The following EHD4 variants were observed in gnomAD, a reference collection of about 807,000 sequenced individuals.
The protein encoded by EHD4 is EH domain containing 4, also known as EH domain-containing protein 4.
EHD4 carries 37 observed loss-of-function variants against 51.0 expected under a neutral mutation model. The ratio of observed to expected loss-of-function variants is 0.73; its 90% CI spans 0.56 to 0.95. EHD4 has a LOEUF of 0.95. EHD4 is among the 40% of genes least tolerant of loss of function. EHD4 has a pLI of 0.00. For missense variants in EHD4, 632 were observed against 733.1 expected, an observed-to-expected ratio of 0.86 and a Z score of 1.59; for synonymous variants, 297 against 317.3, an observed-to-expected ratio of 0.94 and a Z score of 0.68.
rs766515358 is a variant in EHD4, at chr15:41,901,148, G to A, written c.1123C>T (p.His375Tyr). ...QLENYDFTKF[H>Y]SLKPKLIEAV... is the part of the protein sequence containing the mutation. Reference sequence around the variant, plus strand: ...TCGATCAGCTTGGGCTTCAGCGAGTGGAATTTGGTGAAGTCATAGTTCTCA... The same window carrying A: ...TCGATCAGCTTGGGCTTCAGCGAGTAGAATTTGGTGAAGTCATAGTTCTCA... Residue 375 changes from histidine to tyrosine, a missense_variant, in exon 6 of 6, where the codon CAC (histidine) becomes TAC (tyrosine). Transcript: ENST00000220325. 3 of 1,568,306 alleles carry A rather than the reference G, an allele frequency of 1.9e-6. No homozygotes were observed. The highest frequency in any genetic ancestry group is 1.4e-5 in the African/African-American group (1 of 73,280).
At chr15:41,964,144 C>CAAAAAAAAAAAAAAAAAAAAAAAAAA in intron 1 of EHD4, among the ~76,000 whole-genome samples, 1 of 26,536 alleles carries the variant, frequency 3.8e-5, no homozygotes, top group Non-Finnish European at 8.3e-5. Context: ...GACTCCATCT[C>CAAAAAAAAAAAAAAAAAAAAAAAAAA]AAAAAAAAAA....
At chr15:41,907,258 T>A (rs947751707) in intron 5 of EHD4, among the ~76,000 whole-genome samples, 1 of 152,222 alleles carries the variant, frequency 6.6e-6, no homozygotes, top group South Asian at 2.1e-4. Flanking sequence ...TGTATTTCTT[T>A]ATAACTTTCA....
intron 3 of EHD4, among the ~76,000 whole-genome samples, chr15:41,935,715 C>A (rs1422549428): frequency 3.3e-5 from 5 of 152,202 alleles, no homozygotes; most frequent in African/African-American, 1.2e-4. Context: ...CACTCAACCA[C>A]TTATTGGCTA....
chr15:41,916,894 A>C (rs1326828280), intron 4 of EHD4, among the ~76,000 whole-genome samples: 1 of 152,198 alleles, frequency 6.6e-6, no homozygotes, highest in Non-Finnish European at 1.5e-5. Context: ...TTTTTCCTGC[A>C]AGTAAGCTCA....
In EHD4 at chr15:41,909,700, T is replaced by C; in HGVS notation, c.1088A>G (p.Gln363Arg). 1 of 1,614,174 alleles carries C rather than the reference T, an allele frequency of 6.2e-7. No homozygotes were observed. Among genetic ancestry groups the C allele is most frequent in the Non-Finnish European group, 8.5e-7 (1 of 1,180,008 alleles). The change falls in exon 5 of 6, where the codon CAG becomes CGG. Residue 363 changes from glutamine to arginine, a missense_variant and splice_region_variant. Transcript: ENST00000220325. ...GACATTGTAGTGGGCTCCCAGTACCTGCATAGCCTTGACCTCAGGGAAGTC... is the reference window on the plus strand; with the variant it reads ...GACATTGTAGTGGGCTCCCAGTACCCGCATAGCCTTGACCTCAGGGAAGTC... ...AGDFPEVKAM[Q>R]EQLENYDFTK...
At chr15:41,966,958 T>G (rs1291781784) in intron 1 of EHD4, among the ~76,000 whole-genome samples, 6 of 152,198 alleles carry the variant, frequency 3.9e-5, no homozygotes, top group Admixed American at 2.0e-4. Flanking sequence ...GGCTACTAAA[T>G]GCTGACACTC....
chr15:41,922,444 C>A (rs557029632), intron 3 of EHD4, among the ~76,000 whole-genome samples: 51 of 152,116 alleles, frequency 3.4e-4, no homozygotes, highest in Non-Finnish European at 6.5e-4. Flanking sequence ...CTCCCCTCAC[C>A]CCCATTTAAG....
chr15:41,904,632 T>G (rs2140982218), intron 5 of EHD4, among the ~76,000 whole-genome samples: 1 of 152,326 alleles, frequency 6.6e-6, no homozygotes. Context: ...TGCCCATTAA[T>G]TGCCAACATT....
intron 4 of EHD4, among the ~76,000 whole-genome samples, chr15:41,912,071 C>T (rs2067553844): frequency 6.6e-6 from 1 of 152,176 alleles, no homozygotes; most frequent in African/African-American, 2.4e-5. Context: ...TCCCTCGTCT[C>T]AGGCCTCATG....
At chr15:41,963,547 C>G (rs1376976706) in intron 1 of EHD4, among the ~76,000 whole-genome samples, 2 of 146,656 alleles carry the variant, frequency 1.4e-5, no homozygotes, top group Non-Finnish European at 3.0e-5. Context: ...TGCAGTGAGC[C>G]GAGAACGTGC....
chr15:41,898,674 C>T lies in EHD4; in HGVS notation c.*1971G>A, dbSNP rs553321821. ...CCAACATGGTAAAACCCCATCTCTA[C>T]TAAAATACAAAAATTAGCCGGGCGT... On this transcript the variant is annotated 3_prime_UTR_variant, in exon 6 of 6. Transcript: ENST00000220325. 3.3e-5 allele frequency: 5 copies of T among 152,198 alleles called. No individual in the cohort carries two copies. In the South Asian group the frequency reaches 1.0e-3, roughly 32 times the overall value. The allele number at this position is 152,198 out of a possible 1,614,324, so 9.4% of individuals were successfully genotyped here. A position where few individuals can be genotyped will look rare whatever the true frequency, so the allele number is the denominator to read the frequency against.
chr15:41,929,941 T>C (rs2067687715), intron 3 of EHD4, among the ~76,000 whole-genome samples: 1 of 152,238 alleles, frequency 6.6e-6, no homozygotes, highest in Non-Finnish European at 1.5e-5. Flanking sequence ...ACAGGAATAC[T>C]GAATGAACAA....
chr15:41,915,468 G>A (rs2067577702), intron 4 of EHD4, among the ~76,000 whole-genome samples: 1 of 152,220 alleles, frequency 6.6e-6, no homozygotes, highest in Non-Finnish European at 1.5e-5. Context: ...GAACTACAGT[G>A]AACCTTGAAA....
At chr15:41,938,198 T>C (rs954951543) in intron 3 of EHD4, among the ~76,000 whole-genome samples, 6 of 152,232 alleles carry the variant, frequency 3.9e-5, no homozygotes, top group Non-Finnish European at 7.3e-5. Context: ...TTCAAGATGT[T>C]CAACCTGTAT....
In EHD4 at chr15:41,898,403, T is replaced by C. The variant is rs1332045714; in HGVS notation, c.*2242A>G. ...ACATGTATATAAATTCATGTTTATA[T>C]ATGACAATTGAGGAGAGTTAAAGAA... On this transcript the variant is annotated 3_prime_UTR_variant, in exon 6 of 6. Coordinates refer to ENST00000220325, the MANE Select transcript of EHD4 (RefSeq NM_139265.4). 1 of 152,232 alleles carries C rather than the reference T, an allele frequency of 6.6e-6. No individual in the cohort carries two copies. Among genetic ancestry groups the C allele is most frequent in the Non-Finnish European group, 1.5e-5 (1 of 68,040 alleles). 9.4% of individuals were successfully genotyped at this position (152,232 alleles called of 1,614,324 possible).
chr15:41,905,081 G>T (rs567705815), intron 5 of EHD4, among the ~76,000 whole-genome samples: 7 of 152,328 alleles, frequency 4.6e-5, no homozygotes, highest in African/African-American at 1.7e-4. Flanking sequence ...ACTTCTAAGC[G>T]TATGTCCCCC....
At chr15:41,934,825 C>T (rs2067721559) in intron 3 of EHD4, among the ~76,000 whole-genome samples, 1 of 152,216 alleles carries the variant, frequency 6.6e-6, no homozygotes, top group South Asian at 2.1e-4. Flanking sequence ...AACCAGCAAC[C>T]AAACACGCCC....
At chr15:41,930,749 A>T (rs1322255640) in intron 3 of EHD4, among the ~76,000 whole-genome samples, 1 of 152,186 alleles carries the variant, frequency 6.6e-6, no homozygotes, top group Non-Finnish European at 1.5e-5. Context: ...ACTCAGAGAC[A>T]GTTATTTCTG....
At chr15:41,905,909 C>T (rs2067509318) in intron 5 of EHD4, among the ~76,000 whole-genome samples, 1 of 152,236 alleles carries the variant, frequency 6.6e-6, no homozygotes, top group Non-Finnish European at 1.5e-5. Context: ...TGGACTCAAG[C>T]AGTCCTCCCA....
Sources: gnomAD v4.1 joint callset for allele counts (sites outside exome capture counted in the v4.1 genomes callset) on GRCh38, gnomAD v4.1.1 for gene constraint, MANE v1.5 for transcripts, NCBI Gene and HGNC (gene_info 2026-07-23, HGNC 2026-07-21) for gene names.